The following FHIT variants were observed in gnomAD, a reference collection of about 807,000 sequenced individuals.
The protein encoded by FHIT is fragile histidine triad diadenosine triphosphatase.
Under a neutral mutation model 17.9 loss-of-function variants are expected in FHIT, and 19 were observed. The ratio of observed to expected loss-of-function variants is 1.06; its 90% CI spans 0.74 to 1.56. The LOEUF is 1.56. FHIT is among the 40% of genes most tolerant of loss of function. The pLI is 0.00. For missense variants in FHIT, 248 were observed against 189.2 expected (o/e 1.31, Z -1.82); for synonymous variants, 81 against 69.7 (o/e 1.16, Z -0.81).
chr3:60,427,040 A>C (rs1371344003), intron 5 of FHIT, among the ~76,000 whole-genome samples: 1 of 152,132 alleles, frequency 6.6e-6, no homozygotes, highest in Non-Finnish European at 1.5e-5. Flanking sequence ...CTTTGAGTTA[A>C]TCAAAAGGGA....
At chr3:59,863,929 C>T (rs1279274577) in intron 8 of FHIT, among the ~76,000 whole-genome samples, 1 of 152,124 alleles carries the variant, frequency 6.6e-6, no homozygotes, top group East Asian at 1.9e-4. Flanking sequence ...GTTTGCCCTT[C>T]CCTGCTCCCT....
intron 4 of FHIT, among the ~76,000 whole-genome samples, chr3:60,745,914 C>T (rs561399034): frequency 6.6e-6 from 1 of 152,282 alleles, no homozygotes; most frequent in East Asian, 1.9e-4. Context: ...TAGCTTTATA[C>T]TTGAATTGAC....
intron 5 of FHIT, among the ~76,000 whole-genome samples, chr3:60,226,122 C>T (rs1261785970): frequency 6.6e-6 from 1 of 152,014 alleles, no homozygotes; most frequent in Non-Finnish European, 1.5e-5. Flanking sequence ...GAAGAAGGTC[C>T]CAGTGGTGAA....
At chr3:59,981,174 T>C (rs1319040497) in intron 7 of FHIT, among the ~76,000 whole-genome samples, 1 of 152,194 alleles carries the variant, frequency 6.6e-6, no homozygotes, top group African/African-American at 2.4e-5. Context: ...AAAACCTTCT[T>C]AGAGCATCTC....
At chr3:60,401,489 A>T (rs1439801803) in intron 5 of FHIT, among the ~76,000 whole-genome samples, 1 of 152,076 alleles carries the variant, frequency 6.6e-6, no homozygotes, top group Non-Finnish European at 1.5e-5. Flanking sequence ...ATGGTTCTAT[A>T]ACCCTCCACC....
chr3:60,612,225 C>T (rs2038807516), intron 4 of FHIT, among the ~76,000 whole-genome samples: 1 of 152,136 alleles, frequency 6.6e-6, no homozygotes, highest in South Asian at 2.1e-4. Context: ...AACTGTGAAA[C>T]TCTCAATAAG....
intron 4 of FHIT, among the ~76,000 whole-genome samples, chr3:60,542,869 C>T (rs2036229837): frequency 1.3e-5 from 2 of 152,088 alleles, no homozygotes; most frequent in African/African-American, 2.4e-5. Flanking sequence ...TTTCTTCTAT[C>T]GACTTTATAT....
chr3:61,245,571 A>T (rs894651534), intron 1 of FHIT, among the ~76,000 whole-genome samples: 2 of 152,336 alleles, frequency 1.3e-5, no homozygotes, highest in Admixed American at 6.5e-5. Flanking sequence ...TTTTAAGATC[A>T]GCAGGAGACT....
chr3:60,777,703 G>C (rs1700255063), intron 4 of FHIT, among the ~76,000 whole-genome samples: 1 of 152,198 alleles, frequency 6.6e-6, no homozygotes, highest in African/African-American at 2.4e-5. Flanking sequence ...ATATTTTGAG[G>C]TAAAACATTT....
intron 5 of FHIT, among the ~76,000 whole-genome samples, chr3:60,051,137 G>A (rs1243687618): frequency 2.0e-5 from 3 of 152,226 alleles, no homozygotes; most frequent in African/African-American, 7.2e-5. Flanking sequence ...ACCTAATGGG[G>A]CCTTTGAGGT....
chr3:59,909,072 C>T (rs1704736677), intron 8 of FHIT, among the ~76,000 whole-genome samples: 1 of 152,038 alleles, frequency 6.6e-6, no homozygotes, highest in South Asian at 2.1e-4. Flanking sequence ...CTCGCTCTGT[C>T]ACCCAGGATG....
At chr3:60,219,582 A>G (rs1443447836) in intron 5 of FHIT, among the ~76,000 whole-genome samples, 1 of 152,158 alleles carries the variant, frequency 6.6e-6, no homozygotes, top group Non-Finnish European at 1.5e-5. Flanking sequence ...ATATATAATT[A>G]AACAGACAGA....
intron 5 of FHIT, among the ~76,000 whole-genome samples, chr3:60,113,307 C>T (rs191462820): frequency 2.1e-4 from 31 of 150,458 alleles, no homozygotes; most frequent in African/African-American, 7.3e-4. Context: ...TTGTTTAATG[C>T]ATAAATGAAT....
chr3:60,263,119 G>A (rs1706386959), intron 5 of FHIT, among the ~76,000 whole-genome samples: 1 of 151,762 alleles, frequency 6.6e-6, no homozygotes, highest in African/African-American at 2.4e-5. Context: ...TAGTCATTAG[G>A]GAAATGCAAA....
chr3:61,078,721 C>G (rs1003227233), intron 2 of FHIT, among the ~76,000 whole-genome samples: 3 of 152,008 alleles, frequency 2.0e-5, no homozygotes, highest in Non-Finnish European at 4.4e-5. Flanking sequence ...GACTTTAAAC[C>G]AATAATAGTG....
chr3:60,450,445 C>A (rs1328266036), intron 5 of FHIT, among the ~76,000 whole-genome samples: 1 of 151,776 alleles, frequency 6.6e-6, no homozygotes, highest in East Asian at 1.9e-4. Flanking sequence ...TTATCCAGGT[C>A]CTGTATAGAA....
At chr3:59,981,975 T>G in intron 7 of FHIT, among the ~76,000 whole-genome samples, 1 of 144,374 alleles carries the variant, frequency 6.9e-6, no homozygotes, top group African/African-American at 2.6e-5. Context: ...AAAAAAAAAA[T>G]TATTGATCTG....
At chr3:59,871,915 G>A (rs952719869) in intron 8 of FHIT, among the ~76,000 whole-genome samples, 1 of 152,186 alleles carries the variant, frequency 6.6e-6, no homozygotes, top group Admixed American at 6.5e-5. Flanking sequence ...GTCAATTTGT[G>A]ATACGTGTTA....
At chr3:61,185,576 T>C (rs1347563369) in intron 2 of FHIT, among the ~76,000 whole-genome samples, 1 of 152,196 alleles carries the variant, frequency 6.6e-6, no homozygotes, top group Non-Finnish European at 1.5e-5. Context: ...GCAGAGGTGC[T>C]TTTCAAATCT....
Sources: gnomAD v4.1 joint callset for allele counts (sites outside exome capture counted in the v4.1 genomes callset) on GRCh38, gnomAD v4.1.1 for gene constraint, MANE v1.5 for transcripts, NCBI Gene and HGNC (gene_info 2026-07-23, HGNC 2026-07-21) for gene names.